RGS7: variants seen among roughly 807,000 people sequenced by gnomAD.
RGS7 encodes regulator of G protein signaling 7.
In RGS7, 27 loss-of-function variants were observed where a neutral mutation model predicts 81.1. The ratio of observed to expected loss-of-function variants is 0.33; its 90% CI spans 0.25 to 0.46. RGS7 has a LOEUF of 0.46. RGS7 is among the 20% of genes least tolerant of loss of function. The probability of loss-of-function intolerance (pLI) is 1.00; values close to 1 mark genes in which losing one functional copy is unlikely to be tolerated. For missense variants in RGS7, 396 were observed against 607.4 expected (o/e 0.65, Z 3.66); for synonymous variants, 208 against 207.7 (o/e 1.00, Z -0.01).
chr1:240,923,449 TTTTG>T (rs1161948666), intron 6 of RGS7, among the ~76,000 whole-genome samples: 1 of 152,064 alleles, frequency 6.6e-6, no homozygotes, highest in Non-Finnish European at 1.5e-5. Flanking sequence ...TCTCTGCATA[TTTTG>T]TTTAATTTTC....
chr1:240,776,166 G>C lies in RGS7; in HGVS notation c.*54C>G. 1 of 1,609,640 alleles carries C rather than the reference G, an allele frequency of 6.2e-7. No homozygotes were observed. Among genetic ancestry groups the C allele is most frequent in the Non-Finnish European group, 8.5e-7 (1 of 1,175,940 alleles). On this transcript the variant is annotated 3_prime_UTR_variant, in exon 19 of 19. Transcript: ENST00000440928. ...TTCATGCTACAAGATGATCCGTTTA[G>C]TAAGACTGAGCAAGGCTTGTTAACC... is the stretch of plus-strand genomic sequence containing the variant.
chr1:241,012,394 G>A (rs747932517), intron 3 of RGS7, among the ~76,000 whole-genome samples: 2 of 152,192 alleles, frequency 1.3e-5, no homozygotes, highest in Non-Finnish European at 2.9e-5. Context: ...GGAAGGCAGA[G>A]GGAAAGTAGA....
chr1:241,027,574 C>T (rs930202683), intron 3 of RGS7, among the ~76,000 whole-genome samples: 2 of 151,810 alleles, frequency 1.3e-5, no homozygotes, highest in Non-Finnish European at 2.9e-5. Context: ...CTTAGCCTAG[C>T]GTGATGAAAA....
intron 10 of RGS7, among the ~76,000 whole-genome samples, chr1:240,824,256 G>A (rs1030259910): frequency 2.6e-4 from 40 of 152,274 alleles, no homozygotes; most frequent in African/African-American, 9.6e-4. Context: ...GATTTACTGG[G>A]TCCTTTATTC....
chr1:240,946,265 A>G (rs1404912167), intron 4 of RGS7, among the ~76,000 whole-genome samples: 1 of 151,888 alleles, frequency 6.6e-6, no homozygotes, highest in Non-Finnish European at 1.5e-5. Context: ...TAATTTCACT[A>G]TTTTTTGTAA....
chr1:240,866,510 C>CAAA (rs35934752), intron 9 of RGS7, among the ~76,000 whole-genome samples: 22 of 107,456 alleles, frequency 2.0e-4, no homozygotes, highest in African/African-American at 7.5e-4. Context: ...GACTCCGTCT[C>CAAA]AAAAAAAAAA....
chr1:241,259,668 AT>A (rs1303167876), intron 2 of RGS7, among the ~76,000 whole-genome samples: 17 of 21,930 alleles, frequency 7.8e-4, no homozygotes, highest in South Asian at 3.8e-3. Flanking sequence ...AAAAAAAAAA[AT>A]ATATATATAT....
At chr1:241,268,944 A>G (rs1290991976) in intron 2 of RGS7, among the ~76,000 whole-genome samples, 1 of 152,218 alleles carries the variant, frequency 6.6e-6, no homozygotes, top group Non-Finnish European at 1.5e-5. Context: ...GAGAAGCCAC[A>G]TGCCCAATGC....
chr1:241,329,606 C>T (rs779494317), intron 2 of RGS7, among the ~76,000 whole-genome samples: 2 of 152,170 alleles, frequency 1.3e-5, no homozygotes, highest in African/African-American at 2.4e-5. Context: ...GAATACCATA[C>T]GTTCCCTTTA....
intron 3 of RGS7, among the ~76,000 whole-genome samples, chr1:240,999,540 T>C (rs1043223718): frequency 7.9e-5 from 12 of 152,186 alleles, no homozygotes; most frequent in African/African-American, 2.9e-4. Context: ...TTGACCACTA[T>C]TGATATATAT....
chr1:241,222,324 C>G (rs2075062232), intron 2 of RGS7, among the ~76,000 whole-genome samples: 1 of 152,210 alleles, frequency 6.6e-6, no homozygotes. Context: ...AGTACTCATA[C>G]TTGGTCTTTA....
intron 4 of RGS7, among the ~76,000 whole-genome samples, chr1:240,977,484 C>G (rs1684311781): frequency 6.6e-6 from 1 of 152,058 alleles, no homozygotes; most frequent in African/African-American, 2.4e-5. Flanking sequence ...AGGTACAAAT[C>G]AAAATATAAA....
chr1:240,883,373 T>C (rs1666771071), intron 6 of RGS7, among the ~76,000 whole-genome samples: 2 of 152,158 alleles, frequency 1.3e-5, no homozygotes, highest in Non-Finnish European at 2.9e-5. Flanking sequence ...AATGTCACTA[T>C]AACAAATCTG....
chr1:240,996,587 G>A (rs796480368), intron 3 of RGS7, among the ~76,000 whole-genome samples: 43 of 152,156 alleles, frequency 2.8e-4, no homozygotes, highest in African/African-American at 9.9e-4. Flanking sequence ...TTGTGGTGAC[G>A]TCTGCTTCAT....
At chr1:241,168,629 G>C (rs895555835) in intron 2 of RGS7, among the ~76,000 whole-genome samples, 1 of 152,026 alleles carries the variant, frequency 6.6e-6, no homozygotes. Flanking sequence ...GATTTTGTTC[G>C]AGCCCCTATA....
At chr1:241,188,297 A>T (rs1024202830) in intron 2 of RGS7, among the ~76,000 whole-genome samples, 1 of 100,364 alleles carries the variant, frequency 1.0e-5, no homozygotes, top group African/African-American at 2.7e-5. Flanking sequence ...ACACACACAC[A>T]CACACACACA....
chr1:241,280,010 G>A (rs924894804), intron 2 of RGS7, among the ~76,000 whole-genome samples: 4 of 152,120 alleles, frequency 2.6e-5, no homozygotes, highest in Non-Finnish European at 5.9e-5. Flanking sequence ...TGTGGGTTGA[G>A]TTGTGCACCA....
chr1:241,177,060 G>A, intron 2 of RGS7, among the ~76,000 whole-genome samples: 1 of 152,192 alleles, frequency 6.6e-6, no homozygotes, highest in East Asian at 1.9e-4. Flanking sequence ...TGACTTGGAT[G>A]AGAACCATGA....
At chr1:241,053,811 A>G (rs910906826) in intron 3 of RGS7, among the ~76,000 whole-genome samples, 5 of 152,328 alleles carry the variant, frequency 3.3e-5, no homozygotes, top group Admixed American at 1.3e-4. Flanking sequence ...TAAGTCTCAC[A>G]AGATCTGATG....
Sources: gnomAD v4.1 joint callset for allele counts (sites outside exome capture counted in the v4.1 genomes callset) on GRCh38, gnomAD v4.1.1 for gene constraint, MANE v1.5 for transcripts, NCBI Gene and HGNC (gene_info 2026-07-23, HGNC 2026-07-21) for gene names.